The following SCAMP5 variants were observed in gnomAD, a reference collection of about 807,000 sequenced individuals.
SCAMP5 encodes secretory carrier membrane protein 5.
In SCAMP5, 7 loss-of-function variants were observed where a neutral mutation model predicts 28.3. The observed-to-expected ratio is 0.25, with a 90% CI of 0.14 to 0.46. SCAMP5 has a LOEUF of 0.46. SCAMP5 is among the 20% of genes least tolerant of loss of function. The pLI is 0.99. For missense variants in SCAMP5, 192 were observed against 312.5 expected (o/e 0.61, Z 2.91); for synonymous variants, 117 against 116.4 (o/e 1.00, Z -0.03).
At chr15:75,012,230 T>C (rs1355577350) in intron 2 of SCAMP5, among the ~76,000 whole-genome samples, 4 of 152,098 alleles carry the variant, frequency 2.6e-5, no homozygotes, top group African/African-American at 9.7e-5. Context: ...GAGGGAACTT[T>C]AGGGACCGTG....
chr15:75,021,101 T>G lies in SCAMP5; in HGVS notation c.*2118T>G, dbSNP rs1595891785. ...TGTTGGATGTTACCTCCAATCAGTT[T>G]CCTGTCCTACCTGCCTCTTTGGCTT... On this transcript the variant is annotated 3_prime_UTR_variant, in exon 7 of 7. Transcript: ENST00000425597. 1 of 152,360 alleles carries G rather than the reference T, an allele frequency of 6.6e-6. No individual in the cohort carries two copies. Among genetic ancestry groups the G allele is most frequent in the African/African-American group, 2.4e-5 (1 of 41,558 alleles). 9.4% of individuals were successfully genotyped at this position (152,360 alleles called of 1,614,324 possible). A position where few individuals can be genotyped will look rare whatever the true frequency, so the allele number is the denominator to read the frequency against.
At chr15:75,001,763 G>C (rs1038615833) in intron 1 of SCAMP5, among the ~76,000 whole-genome samples, 12 of 151,446 alleles carry the variant, frequency 7.9e-5, no homozygotes, top group African/African-American at 2.9e-4. Flanking sequence ...CCAGCTACTC[G>C]GGATGCTGAG....
chr15:75,003,778 C>G (rs2065731126), intron 1 of SCAMP5, among the ~76,000 whole-genome samples: 1 of 152,068 alleles, frequency 6.6e-6, no homozygotes, highest in African/African-American at 2.4e-5. Flanking sequence ...CCGCTGCACT[C>G]CAGCCTGGGT....
chr15:75,020,847 C>T lies in SCAMP5; in HGVS notation c.*1864C>T, dbSNP rs1277185881. On this transcript the variant is annotated 3_prime_UTR_variant, in exon 7 of 7. Transcript: ENST00000425597. ...CCAGGGGCCTCTGGAAATTCTCTTC[C>T]TGATGGTCCTTTAGGTTTGGGCACA... The T allele has an allele frequency of 6.6e-6, 1 of 152,252 alleles. No homozygotes were observed. Among genetic ancestry groups the T allele is most frequent in the Non-Finnish European group, 1.5e-5 (1 of 68,064 alleles). The allele number at this position is 152,252 out of a possible 1,614,324, so 9.4% of individuals were successfully genotyped here.
rs1232215603 is a variant in SCAMP5, at chr15:74,996,761, C to T, written c.-49+1088C>T. Among the ~76,000 whole-genome samples, 1 of 152,208 alleles carries T rather than the reference C, an allele frequency of 6.6e-6. No homozygotes were observed. The highest frequency in any genetic ancestry group is 1.9e-4 in the East Asian group (1 of 5,198). ...AGGGCTCTGAAAGAGGGAGATGGTT[C>T]TTGCAGGGGCATGATTGGCAGAGAG... On this transcript the variant is annotated intron_variant, in intron 1 of 6. Transcript: ENST00000425597. The surrounding 1 kb of genome is among the most constrained non-coding windows in gnomAD (Gnocchi z 4.1).
chr15:75,008,271 C>T (rs1230151857), intron 1 of SCAMP5, among the ~76,000 whole-genome samples: 4 of 152,050 alleles, frequency 2.6e-5, no homozygotes, highest in Non-Finnish European at 5.9e-5. Flanking sequence ...ATGGAAGTCT[C>T]TCTACTCATC....
At chr15:75,001,497 T>C (rs1344413909) in intron 1 of SCAMP5, among the ~76,000 whole-genome samples, 1 of 151,154 alleles carries the variant, frequency 6.6e-6, no homozygotes, top group Non-Finnish European at 1.5e-5. Context: ...AAAATTGGGC[T>C]AGGTGCAGTG....
At chr15:75,004,018 C>T (rs552793677) in intron 1 of SCAMP5, among the ~76,000 whole-genome samples, 2 of 152,138 alleles carry the variant, frequency 1.3e-5, no homozygotes, top group South Asian at 2.1e-4. Context: ...GATTCTCCTG[C>T]GTCAGCCTCC....
At chr15:74,997,992 A>G (rs2065668495) in intron 1 of SCAMP5, among the ~76,000 whole-genome samples, 1 of 152,092 alleles carries the variant, frequency 6.6e-6, no homozygotes, top group South Asian at 2.1e-4. Context: ...TGTGCCAGGG[A>G]TGAGGGGCCC....
intron 1 of SCAMP5, among the ~76,000 whole-genome samples, chr15:75,007,401 T>G (rs1033206603): frequency 3.9e-5 from 6 of 152,158 alleles, no homozygotes; most frequent in Admixed American, 3.9e-4. Context: ...TCTTTTTCTT[T>G]TTTTGAGACA....
At position 75,018,539 on chromosome 15, in the gene SCAMP5, C is replaced by A; in HGVS notation, c.513+4C>A. 3 of 1,582,272 alleles carry A rather than the reference C, an allele frequency of 1.9e-6. No individual in the cohort carries two copies. The highest frequency in any genetic ancestry group is 2.6e-6 in the Non-Finnish European group (3 of 1,150,966). ...TTCCTTCATCGCCCTCAGCATGGTA[C>A]GTGGTCCCCTCAAGGGTGAGAAGGT... is the stretch of plus-strand genomic sequence containing the variant. On this transcript the variant is annotated splice_donor_region_variant and intron_variant, in intron 6 of 6. Coordinates refer to ENST00000425597, the MANE Select transcript of SCAMP5 (RefSeq NM_138967.4). This position sits in a 1 kb window ranked among gnomAD's most constrained non-coding sequence, Gnocchi z 5.6.
rs774185903 is a variant in SCAMP5 at position 75,018,466 on chromosome 15, G to T, written c.444G>T (p.Ala148=). ...ISFFGTNIGS[A]VVMLIPTVMF... ...TCTTCGGAACGAACATTGGCTCGGC[G>T]GTGGTGATGCTAATTCCCACTGTCA... The change falls in exon 6 of 7, where the codon GCG becomes GCT. Residue 148 remains alanine, a synonymous_variant. Coordinates refer to ENST00000425597, the MANE Select transcript of SCAMP5 (RefSeq NM_138967.4). The surrounding 1 kb of genome is among the most constrained non-coding windows in gnomAD (Gnocchi z 5.6). 6.2e-7 allele frequency: 1 copy of T among 1,613,814 alleles called. No individual in the cohort carries two copies. The highest frequency in any genetic ancestry group is 1.1e-5 in the South Asian group (1 of 91,084).
intron 1 of SCAMP5, among the ~76,000 whole-genome samples, chr15:75,006,575 C>T (rs1481558803): frequency 6.6e-6 from 1 of 151,960 alleles, no homozygotes; most frequent in Admixed American, 6.5e-5. Flanking sequence ...ATCACGAGGT[C>T]AAGAGATCGA....
intron 2 of SCAMP5, 86 bp downstream of exon 2, chr15:75,011,932 A>T: frequency 8.9e-7 from 1 of 1,118,034 alleles, no homozygotes; most frequent in Non-Finnish European, 1.3e-6. Context: ...TATCTCCCCT[A>T]GTCTTTGGAG....
chr15:75,015,844 T>C (rs1282346730), intron 3 of SCAMP5, among the ~76,000 whole-genome samples: 2 of 146,690 alleles, frequency 1.4e-5, no homozygotes, highest in Non-Finnish European at 3.0e-5. Context: ...GAGAATCGCT[T>C]GAACCTGAGA....
At chr15:75,014,105 A>G (rs927556643) in intron 3 of SCAMP5, among the ~76,000 whole-genome samples, 3 of 152,138 alleles carry the variant, frequency 2.0e-5, no homozygotes, top group Admixed American at 1.3e-4. Context: ...GGGTTCTGCT[A>G]TATGTGACAC....
intron 1 of SCAMP5, among the ~76,000 whole-genome samples, chr15:75,010,855 C>A (rs2141444468): frequency 6.6e-6 from 1 of 152,148 alleles, no homozygotes; most frequent in East Asian, 1.9e-4. Flanking sequence ...GCCTAGAAGG[C>A]TGTTTTGCCC....
chr15:75,007,129 C>T (rs2065767961), intron 1 of SCAMP5, among the ~76,000 whole-genome samples: 1 of 152,138 alleles, frequency 6.6e-6, no homozygotes, highest in African/African-American at 2.4e-5. Flanking sequence ...ATTTCCTTTT[C>T]CTGGCTTGGG....
chr15:75,000,221 G>A (rs943133309), intron 1 of SCAMP5, among the ~76,000 whole-genome samples: 1 of 152,004 alleles, frequency 6.6e-6, no homozygotes, highest in Admixed American at 6.6e-5. Context: ...TAGAGATGAG[G>A]TCTCACTATG....
Sources: gnomAD v4.1 joint callset for allele counts (sites outside exome capture counted in the v4.1 genomes callset) on GRCh38, gnomAD v4.1.1 for gene constraint, Gnocchi (gnomAD v3.1) non-coding constraint, MANE v1.5 for transcripts, NCBI Gene and HGNC (gene_info 2026-07-23, HGNC 2026-07-21) for gene names.